Variants in MTNAP1 observed in about 807,000 individuals in gnomAD.
MTNAP1 encodes the protein mitochondrial nucleoid associated protein 1.
the MTNAP1 span, chr17:73,242,199 T>A: frequency 7.7e-7 from 1 of 1,292,038 alleles, no homozygotes; most frequent in African/African-American, 1.5e-5. Context: ...GGGAAGGGGG[T>A]ACGTTTCGGT....
the MTNAP1 span, among the ~76,000 whole-genome samples, chr17:73,241,431 T>C: frequency 1.3e-5 from 2 of 152,264 alleles, no homozygotes; most frequent in Non-Finnish European, 2.9e-5. Context: ...GTGCTGGGAT[T>C]ACAGGCGTGA....
chr17:73,236,054 C>T, the MTNAP1 span: 3 of 1,614,116 alleles, frequency 1.9e-6, no homozygotes, highest in Non-Finnish European at 2.5e-6. Flanking sequence ...AAATATTCCT[C>T]AACTCTACCT....
the MTNAP1 span, chr17:73,232,706 A>T: frequency 5.4e-6 from 1 of 184,198 alleles, no homozygotes; most frequent in Non-Finnish European, 1.1e-5. Context: ...CTGGGCTTTC[A>T]GGTCTTCCGA....
the MTNAP1 span, among the ~76,000 whole-genome samples, chr17:73,233,558 T>G: frequency 6.6e-6 from 1 of 152,200 alleles, no homozygotes; most frequent in East Asian, 1.9e-4. Flanking sequence ...GAAAGAATGA[T>G]GGCTCACGCC....
chr17:73,236,984 G>T, the MTNAP1 span: 1 of 1,568,992 alleles, frequency 6.4e-7, no homozygotes. Context: ...CAGGGGGAAA[G>T]ACTCTCACAA....
chr17:73,243,086 T>TGG, the MTNAP1 span: 1 of 987,740 alleles, frequency 1.0e-6, no homozygotes, highest in African/African-American at 1.7e-5. Flanking sequence ...AATTTTTTTT[T>TGG]TTTTTTTTTT....
At chr17:73,248,202 A>C in the MTNAP1 span, 2 of 383,158 alleles carry the variant, frequency 5.2e-6, no homozygotes, top group Non-Finnish European at 9.6e-6. Flanking sequence ...CCAATCATGT[A>C]TGTGATCACC....
At chr17:73,232,994 AGGT>A in the MTNAP1 span, 1 of 152,222 alleles carries the variant, frequency 6.6e-6, no homozygotes, top group Admixed American at 6.6e-5. Context: ...GGGTGCGGGG[AGGT>A]GGGCAGGCTG....
the MTNAP1 span, chr17:73,248,454 T>A: frequency 6.5e-7 from 1 of 1,542,146 alleles, no homozygotes; most frequent in Admixed American, 2.0e-5. Flanking sequence ...TTCTGCCCTG[T>A]CTGTGGCATT....
chr17:73,235,661 A>G, the MTNAP1 span: 3 of 1,614,106 alleles, frequency 1.9e-6, no homozygotes, highest in South Asian at 3.3e-5. Flanking sequence ...GGACCAATCA[A>G]AGATTTAATT....
At chr17:73,246,657 A>G in the MTNAP1 span, among the ~76,000 whole-genome samples, 1 of 152,090 alleles carries the variant, frequency 6.6e-6, no homozygotes, top group African/African-American at 2.4e-5. Flanking sequence ...TCTATTCCCA[A>G]TCCCCTGCTC....
chr17:73,243,293 T>TA, the MTNAP1 span: 14 of 399,946 alleles, frequency 3.5e-5, no homozygotes, highest in Admixed American at 2.5e-4. Flanking sequence ...TAGCTGGGAT[T>TA]ATAGGCATGC....
the MTNAP1 span, among the ~76,000 whole-genome samples, chr17:73,234,546 C>T: frequency 6.6e-6 from 1 of 151,920 alleles, no homozygotes; most frequent in African/African-American, 2.4e-5. Flanking sequence ...CAAAAATTAG[C>T]CTGGCGTGGT....
chr17:73,243,091 T>TG, the MTNAP1 span: 6 of 997,188 alleles, frequency 6.0e-6, no homozygotes, highest in Non-Finnish European at 7.5e-6. Context: ...TTTTTTTTTT[T>TG]TTTTTTTTTT....
the MTNAP1 span, chr17:73,242,966 C>G: frequency 6.2e-7 from 1 of 1,613,836 alleles, no homozygotes; most frequent in Non-Finnish European, 8.5e-7. Context: ...TCACAGGATA[C>G]TTCGTCCTGT....
chr17:73,245,911 T>G, the MTNAP1 span, among the ~76,000 whole-genome samples: 1 of 152,162 alleles, frequency 6.6e-6, no homozygotes, highest in South Asian at 2.1e-4. Flanking sequence ...TCTCAAGAGT[T>G]TCTGTGCATT....
At chr17:73,235,197 G>C in the MTNAP1 span, among the ~76,000 whole-genome samples, 1 of 152,146 alleles carries the variant, frequency 6.6e-6, no homozygotes, top group Non-Finnish European at 1.5e-5. Flanking sequence ...TCCAGCCTGG[G>C]TGACAGAGTG....
chr17:73,239,520 C>CTTTTTTTTTT, the MTNAP1 span, among the ~76,000 whole-genome samples: 1 of 141,518 alleles, frequency 7.1e-6, no homozygotes, highest in Non-Finnish European at 1.5e-5. Flanking sequence ...CTTCAGACAT[C>CTTTTTTTTTT]TTTTTTTTTT....
At chr17:73,239,083 T>C in the MTNAP1 span, among the ~76,000 whole-genome samples, 2 of 152,004 alleles carry the variant, frequency 1.3e-5, no homozygotes, top group Admixed American at 1.3e-4. Context: ...GATACAGGTA[T>C]GCGCCACCAC....
Sources: allele counts gnomAD v4.1 joint callset (sites outside exome capture counted in the v4.1 genomes callset), GRCh38; gene constraint gnomAD v4.1.1; transcripts MANE v1.5; gene names NCBI Gene and HGNC (gene_info 2026-07-23, HGNC 2026-07-21).